The following LEMD1 variants were observed in gnomAD, a reference collection of about 807,000 sequenced individuals.
The protein encoded by LEMD1 is LEM domain-containing protein 1.
In LEMD1, 18 loss-of-function variants were observed where a neutral mutation model predicts 17.4. The observed-to-expected ratio is 1.04, with a 90% CI of 0.72 to 1.54. The LOEUF (loss-of-function observed/expected upper bound fraction) is 1.54. Ranked by LOEUF, LEMD1 falls within the 40% of genes most tolerant of loss-of-function variation. LEMD1 has a pLI of 0.00. For missense variants in LEMD1, 195 were observed against 210.4 expected (o/e 0.93, Z 0.45); for synonymous variants, 88 against 77.8 (o/e 1.13, Z -0.69).
intron 4 of LEMD1, chr1:205,385,436 C>T (rs1663951241): frequency 6.6e-6 from 1 of 152,296 alleles, no homozygotes; most frequent in South Asian, 2.1e-4. Context: ...CACCTGGCCT[C>T]AAGCAATCCA....
chr1:205,414,967 A>G (rs1411201877), intron 4 of LEMD1, among the ~76,000 whole-genome samples: 1 of 152,186 alleles, frequency 6.6e-6, no homozygotes, highest in African/African-American at 2.4e-5. Flanking sequence ...ATTTTTTAAC[A>G]TCATTCAGAT....
intron 4 of LEMD1, among the ~76,000 whole-genome samples, chr1:205,401,843 G>A (rs1438843781): frequency 2.0e-5 from 3 of 152,146 alleles, no homozygotes; most frequent in South Asian, 2.1e-4. Flanking sequence ...TAGGTCTAAC[G>A]TTTAAGTCTT....
upstream of LEMD1, among the ~76,000 whole-genome samples, chr1:205,425,548 T>A (rs1163056577): frequency 6.6e-6 from 1 of 152,136 alleles, no homozygotes; most frequent in Non-Finnish European, 1.5e-5. Flanking sequence ...GGAGTTCAGT[T>A]ACTGAGCACC....
chr1:205,404,830 T>C (rs1287924908), intron 4 of LEMD1, among the ~76,000 whole-genome samples: 1 of 152,228 alleles, frequency 6.6e-6, no homozygotes, highest in Non-Finnish European at 1.5e-5. Context: ...GATTTTGCAG[T>C]GGCTGGTACT....
chr1:205,381,571 A>G lies in LEMD1; in HGVS notation c.*87T>C. 7.9e-7 allele frequency: 1 copy of G among 1,266,466 alleles called. No homozygotes were observed. The highest frequency in any genetic ancestry group is 1.2e-6 in the Non-Finnish European group (1 of 867,400). The allele number at this position is 1,266,466 out of a possible 1,614,324, so 78.5% of individuals were successfully genotyped here. A position where few individuals can be genotyped will look rare whatever the true frequency, so the allele number is the denominator to read the frequency against. Reference sequence around the variant, plus strand: ...AAGGCTCCCTGCAAGGGAGGGCTGCAGGCTAGGCTGGCCCTTCAGGGTAGT... The same window carrying G: ...AAGGCTCCCTGCAAGGGAGGGCTGCGGGCTAGGCTGGCCCTTCAGGGTAGT... On this transcript the variant is annotated 3_prime_UTR_variant, in exon 6 of 6. Coordinates refer to ENST00000367153, the MANE Select transcript of LEMD1 (RefSeq NM_001199050.2).
At chr1:205,410,373 A>G (rs915727811) in intron 4 of LEMD1, among the ~76,000 whole-genome samples, 2 of 152,250 alleles carry the variant, frequency 1.3e-5, no homozygotes, top group African/African-American at 4.8e-5. Flanking sequence ...ATTGACTCAC[A>G]GGCTGAGATC....
intron 1 of LEMD1, among the ~76,000 whole-genome samples, chr1:205,439,278 G>A (rs1028163661): frequency 3.9e-5 from 6 of 152,174 alleles, no homozygotes; most frequent in Non-Finnish European, 8.8e-5. Flanking sequence ...AAGGACTTCT[G>A]TTTATAATTC....
chr1:205,443,531 T>C (rs1666332113), intron 1 of LEMD1, among the ~76,000 whole-genome samples: 1 of 152,134 alleles, frequency 6.6e-6, no homozygotes, highest in African/African-American at 2.4e-5. Context: ...GGAGCTGGGC[T>C]AGGGGCTGTA....
intron 4 of LEMD1, among the ~76,000 whole-genome samples, chr1:205,394,607 A>G (rs1664499877): frequency 6.6e-6 from 1 of 152,094 alleles, no homozygotes; most frequent in South Asian, 2.1e-4. Context: ...CTGGACTCGA[A>G]CTTCTGACCT....
intron 5 of LEMD1, among the ~76,000 whole-genome samples, chr1:205,382,652 T>C (rs756925540): frequency 8.5e-5 from 13 of 152,156 alleles, no homozygotes; most frequent in Admixed American, 3.3e-4. Context: ...TTCCACCCAC[T>C]TGTGTATCAC....
At chr1:205,393,283 TAATGATGTCATA>T (rs974785951) in intron 4 of LEMD1, among the ~76,000 whole-genome samples, 5 of 152,038 alleles carry the variant, frequency 3.3e-5, no homozygotes, top group African/African-American at 1.2e-4. Flanking sequence ...TATCTTGATA[TAATGATGTCATA>T]AGATAATGAC....
chr1:205,443,767 G>C (rs1666336571), intron 1 of LEMD1, among the ~76,000 whole-genome samples: 1 of 152,234 alleles, frequency 6.6e-6, no homozygotes, highest in Non-Finnish European at 1.5e-5. Flanking sequence ...TCTGTCTGCA[G>C]CATGCAGATT....
intron 4 of LEMD1, among the ~76,000 whole-genome samples, chr1:205,415,187 C>T (rs372000901): frequency 3.4e-5 from 5 of 147,218 alleles, no homozygotes; most frequent in East Asian, 3.9e-4. Context: ...TGGGGAGAAG[C>T]ATGAACACGT....
chr1:205,385,368 T>C (rs1663946932), intron 4 of LEMD1: 1 of 152,074 alleles, frequency 6.6e-6, no homozygotes. Context: ...TGGCTAATTT[T>C]TGTATAATAT....
At chr1:205,411,571 AAAG>A (rs1458687287) in intron 4 of LEMD1, among the ~76,000 whole-genome samples, 12 of 149,148 alleles carry the variant, frequency 8.0e-5, no homozygotes, top group Non-Finnish European at 1.5e-4. Context: ...AAAAAAAAAG[AAAG>A]AAGGAGAGAG....
rs569751185 is a variant in LEMD1, at chr1:205,411,412, G to A, written c.270+4820C>T. On this transcript the variant is annotated intron_variant, in intron 4 of 5. Coordinates refer to ENST00000367153, the MANE Select transcript of LEMD1 (RefSeq NM_001199050.2). ...CTACTAAAAATACAAAAATTTAGCC[G>A]GGCGTGGTGGCGGGCGCATGTAGTC... Among the ~76,000 whole-genome samples the A allele has an allele frequency of 8.6e-4, 130 of 152,030 alleles. 6 individuals are homozygous for A. The South Asian group carries it at 0.022, about 26-fold the overall frequency.
chr1:205,423,691 G>A (rs568621911), upstream of LEMD1, among the ~76,000 whole-genome samples: 1 of 152,278 alleles, frequency 6.6e-6, no homozygotes, highest in East Asian at 1.9e-4. Flanking sequence ...ATGAATTCCT[G>A]TACTCTGTGC....
chr1:205,443,805 C>A (rs1666337425), intron 1 of LEMD1, among the ~76,000 whole-genome samples: 1 of 152,194 alleles, frequency 6.6e-6, no homozygotes, highest in Admixed American at 6.5e-5. Flanking sequence ...AGTGGGGGGA[C>A]ATGGGGCAGA....
At chr1:205,422,122 G>GTGTTA (rs1665983307), upstream of LEMD1, 1 of 152,202 alleles carries the variant, frequency 6.6e-6, no homozygotes, top group Non-Finnish European at 1.5e-5. Flanking sequence ...AATACTGACA[G>GTGTTA]TGTGACATCA....
Sources: allele counts gnomAD v4.1 joint callset (sites outside exome capture counted in the v4.1 genomes callset), GRCh38; gene constraint gnomAD v4.1.1; transcripts MANE v1.5; gene names NCBI Gene and HGNC (gene_info 2026-07-23, HGNC 2026-07-21).